KCNIP1: variants seen among roughly 807,000 people sequenced by gnomAD.
The protein encoded by KCNIP1 is potassium voltage-gated channel interacting protein 1.
A neutral mutation model predicts 33.0 loss-of-function variants in KCNIP1; 18 were observed. The observed-to-expected ratio is 0.55, with a 90% CI of 0.38 to 0.81. The LOEUF (loss-of-function observed/expected upper bound fraction) is 0.81. Ranked by LOEUF, KCNIP1 falls within the 30% of genes least tolerant of loss-of-function variation. The pLI, the probability that KCNIP1 is intolerant of heterozygous loss-of-function variation, is 0.00. For missense variants in KCNIP1, 238 were observed against 271.6 expected, an observed-to-expected ratio of 0.88 and a Z score of 0.87; for synonymous variants, 93 against 98.3, an observed-to-expected ratio of 0.95 and a Z score of 0.32.
chr5:170,527,684 C>T (rs1755631538), intron 1 of KCNIP1, among the ~76,000 whole-genome samples: 1 of 150,590 alleles, frequency 6.6e-6, no homozygotes, highest in African/African-American at 2.4e-5. Context: ...TTGAATGGTG[C>T]TCCTTGGAGT....
intron 1 of KCNIP1, among the ~76,000 whole-genome samples, chr5:170,424,837 C>A (rs1014403827): frequency 6.6e-6 from 1 of 152,250 alleles, no homozygotes; most frequent in African/African-American, 2.4e-5. Context: ...GCCCTCAAGG[C>A]CTTTTATGAT....
Position 170,733,864 on chromosome 5 carries a change from T to C in KCNIP1, c.569T>C (p.Val190Ala). ...ATGGACAAAAATAAAGATGGCATCG[T>C]AACTTTAGATGAATTTCTTGAATCA... ...QKMDKNKDGIVTLDEFLESCQ... is the reference protein window; with the variant it reads ...QKMDKNKDGIATLDEFLESCQ... The change falls in exon 7 of 8, where the codon GTA (valine) becomes GCA (alanine). Residue 190 changes from valine (V) to alanine (A), a missense_variant. By Grantham distance (64) the Val-to-Ala change is moderately conservative. Coordinates refer to ENST00000328939, the MANE Select transcript of KCNIP1 (RefSeq NM_014592.4). 1.2e-6 allele frequency: 2 copies of C among 1,613,850 alleles called. No individual in the cohort carries two copies. The highest frequency in any genetic ancestry group is 1.1e-5 in the South Asian group (1 of 91,062).
At chr5:170,665,567 T>C (rs1179174213) in intron 1 of KCNIP1, among the ~76,000 whole-genome samples, 3 of 152,346 alleles carry the variant, frequency 2.0e-5, no homozygotes, top group Admixed American at 6.5e-5. Context: ...GTGAGCCCCA[T>C]TGGTAACAGC....
At chr5:170,438,948 AC>A (rs920966009) in intron 1 of KCNIP1, among the ~76,000 whole-genome samples, 1 of 152,058 alleles carries the variant, frequency 6.6e-6, no homozygotes, top group Non-Finnish European at 1.5e-5. Flanking sequence ...CCCCTCGGGT[AC>A]CTTTCACCAT....
At chr5:170,587,760 CTT>C (rs539483575) in intron 1 of KCNIP1, among the ~76,000 whole-genome samples, 268 of 152,362 alleles carry the variant, frequency 1.8e-3, no homozygotes, top group Non-Finnish European at 3.3e-3. Flanking sequence ...AGGATAATCT[CTT>C]CATCTCAAAA....
chr5:170,408,598 A>T (rs763213970), intron 1 of KCNIP1, among the ~76,000 whole-genome samples: 12 of 152,176 alleles, frequency 7.9e-5, no homozygotes, highest in Admixed American at 2.0e-4. Flanking sequence ...TTCCAAATGC[A>T]TTCCTATCCT....
At chr5:170,472,521 A>T (rs1756756257) in intron 1 of KCNIP1, among the ~76,000 whole-genome samples, 1 of 151,874 alleles carries the variant, frequency 6.6e-6, no homozygotes, top group South Asian at 2.1e-4. Flanking sequence ...ATTTTGGTGC[A>T]CCCATCACCC....
At chr5:170,485,542 T>A (rs982475603) in intron 1 of KCNIP1, among the ~76,000 whole-genome samples, 1 of 152,144 alleles carries the variant, frequency 6.6e-6, no homozygotes, top group African/African-American at 2.4e-5. Context: ...TCATAAACCC[T>A]ATTCTGCGAA....
In KCNIP1 at chr5:170,480,668, TC is replaced by T. The variant is rs1756957128; in HGVS notation, c.88+126707del. 3.9e-5 allele frequency among the ~76,000 whole-genome samples: 6 copies of T among 152,152 alleles called. No homozygotes were observed. In the South Asian group the frequency reaches 1.2e-3, roughly 32 times the overall value. ...CATATTTCACAGGCTGGTCTCAAACTCCCAGGATCAAGTGATCCACCCACCT... is the reference window on the plus strand; with the variant it reads ...CATATTTCACAGGCTGGTCTCAAACTCCAGGATCAAGTGATCCACCCACCT... On this transcript the variant is annotated intron_variant, in intron 1 of 7. Transcript: ENST00000377360.
intron 1 of KCNIP1, among the ~76,000 whole-genome samples, chr5:170,619,737 A>G (rs1759530126): frequency 1.3e-5 from 2 of 152,236 alleles, no homozygotes. Context: ...GGACCTTAAT[A>G]AACTTCTTGC....
chr5:170,705,149 ATT>A (rs1235063347), intron 1 of KCNIP1, among the ~76,000 whole-genome samples: 3 of 152,234 alleles, frequency 2.0e-5, no homozygotes, highest in Non-Finnish European at 4.4e-5. Flanking sequence ...AATCAAAGGC[ATT>A]TGAGTGAATA....
Position 170,504,736 on chromosome 5 carries a change from A to G in KCNIP1, c.61+103A>G, listed in dbSNP as rs1754642259. 3 of 926,794 alleles carry G rather than the reference A, an allele frequency of 3.2e-6. No individual in the cohort carries two copies. The highest frequency in any genetic ancestry group is 5.3e-6 in the Non-Finnish European group (3 of 567,756). The allele number at this position is 926,794 out of a possible 1,614,324, so 57.4% of individuals were successfully genotyped here. ...TCCCTTAGTCCGGACTCTCCTCTCC[A>G]CGAGGAGCCCGGACAGGTGCTTGTA... On this transcript the variant is annotated intron_variant, in intron 1 of 7. Coordinates refer to ENST00000328939, the MANE Select transcript of KCNIP1 (RefSeq NM_014592.4). The surrounding 1 kb of genome is among the most constrained non-coding windows in gnomAD (Gnocchi z 6.0).
chr5:170,503,692 GAC>G (rs113237236), upstream of KCNIP1, among the ~76,000 whole-genome samples: 1,653 of 142,994 alleles, frequency 0.012, 41 homozygotes, highest in African/African-American at 0.039. Context: ...CACACACAGG[GAC>G]ACACACACAC....
intron 1 of KCNIP1, among the ~76,000 whole-genome samples, chr5:170,551,010 C>G (rs1756607415): frequency 6.6e-6 from 1 of 152,174 alleles, no homozygotes; most frequent in East Asian, 1.9e-4. Context: ...GTGTGTTCTT[C>G]CAATCTGTCT....
intron 1 of KCNIP1, among the ~76,000 whole-genome samples, chr5:170,439,956 T>C (rs1177021720): frequency 3.3e-5 from 5 of 152,216 alleles, no homozygotes; most frequent in Admixed American, 1.3e-4. Flanking sequence ...CTGAGTTCTG[T>C]CTTCCCCAAA....
At chr5:170,466,554 T>G (rs530386373) in intron 1 of KCNIP1, among the ~76,000 whole-genome samples, 1 of 152,336 alleles carries the variant, frequency 6.6e-6, no homozygotes, top group East Asian at 1.9e-4. Context: ...GGTGTCTTAG[T>G]GCATTCAGGC....
chr5:170,591,969 A>G (rs1581370994), intron 1 of KCNIP1, among the ~76,000 whole-genome samples: 1 of 152,202 alleles, frequency 6.6e-6, no homozygotes, highest in East Asian at 1.9e-4. Flanking sequence ...ATCCAGAAGC[A>G]GAATTCTTGG....
intron 1 of KCNIP1, among the ~76,000 whole-genome samples, chr5:170,717,896 T>G (rs1201692256): frequency 6.6e-6 from 1 of 152,232 alleles, no homozygotes; most frequent in African/African-American, 2.4e-5. Flanking sequence ...AATTGATTCT[T>G]GATTGGTGTA....
chr5:170,380,017 T>C (rs1321190633), intron 1 of KCNIP1, among the ~76,000 whole-genome samples: 1 of 152,010 alleles, frequency 6.6e-6, no homozygotes, highest in Non-Finnish European at 1.5e-5. Context: ...TTTCAACCTG[T>C]GTACAGCAAA....
Sources: allele counts gnomAD v4.1 joint callset (sites outside exome capture counted in the v4.1 genomes callset), GRCh38; gene constraint gnomAD v4.1.1; non-coding constraint Gnocchi (gnomAD v3.1); transcripts MANE v1.5; gene names NCBI Gene and HGNC (gene_info 2026-07-23, HGNC 2026-07-21).